The following LDLRAD4 variants were observed in gnomAD, a reference collection of about 807,000 sequenced individuals.
LDLRAD4 encodes low density lipoprotein receptor class A domain containing 4.
Under a neutral mutation model 17.0 loss-of-function variants are expected in LDLRAD4, and 5 were observed. The observed-to-expected ratio is 0.29, with a 90% CI of 0.15 to 0.62. The LOEUF (loss-of-function observed/expected upper bound fraction) is 0.62. Among genes scored for constraint, LDLRAD4 ranks in the 20% least tolerant of loss-of-function variants. The pLI, the probability that LDLRAD4 is intolerant of heterozygous loss-of-function variation, is 0.84. For synonymous variants in LDLRAD4, 168 were observed against 171.8 expected (o/e 0.98, Z 0.17); for missense variants, 340 against 424.7 (o/e 0.80, Z 1.75).
At chr18:13,245,957 T>C (rs1411391972) in intron 1 of LDLRAD4, among the ~76,000 whole-genome samples, 2 of 152,242 alleles carry the variant, frequency 1.3e-5, no homozygotes, top group South Asian at 4.1e-4. Context: ...ACTGCAGCTA[T>C]TATTACTCCT....
At chr18:13,414,738 G>A (rs890081796) in intron 2 of LDLRAD4, among the ~76,000 whole-genome samples, 2 of 152,230 alleles carry the variant, frequency 1.3e-5, no homozygotes, top group African/African-American at 4.8e-5. Flanking sequence ...GGGAGCTCGA[G>A]AAGGAGAAGC....
intron 4 of LDLRAD4, among the ~76,000 whole-genome samples, chr18:13,628,013 G>A (rs2041326529): frequency 6.6e-6 from 1 of 152,170 alleles, no homozygotes; most frequent in Non-Finnish European, 1.5e-5. Context: ...TCTGAGGTGG[G>A]CCCCAGGCTC....
intron 3 of LDLRAD4, among the ~76,000 whole-genome samples, chr18:13,571,198 C>CA (rs2094685937): frequency 1.3e-5 from 2 of 152,154 alleles, no homozygotes; most frequent in African/African-American, 4.8e-5. Flanking sequence ...AGATTCTCAT[C>CA]AAAAATTAGA....
chr18:13,284,294 G>A (rs2045478682), intron 1 of LDLRAD4, among the ~76,000 whole-genome samples: 1 of 152,220 alleles, frequency 6.6e-6, no homozygotes, highest in Middle Eastern at 3.4e-3. Context: ...TTCTGCCCAT[G>A]GCCTGAGACC....
intron 3 of LDLRAD4, among the ~76,000 whole-genome samples, chr18:13,468,034 G>C (rs76500612): frequency 3.9e-5 from 6 of 152,018 alleles, no homozygotes; most frequent in Admixed American, 6.6e-5. Flanking sequence ...CATAAAATTC[G>C]TAGGAGAAAA....
At chr18:13,457,618 T>C (rs2146496360) in intron 3 of LDLRAD4, among the ~76,000 whole-genome samples, 1 of 152,226 alleles carries the variant, frequency 6.6e-6, no homozygotes, top group East Asian at 1.9e-4. Context: ...CACCCGACCT[T>C]CTAACAGAAG....
chr18:13,271,235 G>T (rs951748950), intron 1 of LDLRAD4, among the ~76,000 whole-genome samples: 9 of 152,190 alleles, frequency 5.9e-5, no homozygotes, highest in Non-Finnish European at 1.2e-4. Context: ...TAAATAATGA[G>T]ACTCTAATGA....
At chr18:13,375,383 A>G (rs542143888) in intron 1 of LDLRAD4, among the ~76,000 whole-genome samples, 1 of 152,346 alleles carries the variant, frequency 6.6e-6, no homozygotes, top group South Asian at 2.1e-4. Flanking sequence ...ATTGAACATA[A>G]TAACATGTTT....
intron 2 of LDLRAD4, among the ~76,000 whole-genome samples, chr18:13,417,754 A>G (rs1171585100): frequency 2.6e-5 from 4 of 152,192 alleles, no homozygotes; most frequent in East Asian, 1.9e-4. Flanking sequence ...TTTTCAAACT[A>G]CATAATCATG....
chr18:13,295,300 G>T lies in LDLRAD4; in HGVS notation c.-383+17112G>T, dbSNP rs142332281. Among the ~76,000 whole-genome samples the T allele has an allele frequency of 2.8e-3, 420 of 152,304 alleles. 1 individual carries two copies. Among genetic ancestry groups the T allele is most frequent in the African/African-American group, 9.5e-3 (394 of 41,554 alleles). On this transcript the variant is annotated intron_variant, in intron 1 of 5. Coordinates refer to ENST00000359446, the Ensembl canonical transcript of LDLRAD4. ...ATCCTGGAAAGCTGAGCTGGACCTTGTGGCTGGGATGGCCTCAAAGTTGAT... is the reference window on the plus strand; with the variant it reads ...ATCCTGGAAAGCTGAGCTGGACCTTTTGGCTGGGATGGCCTCAAAGTTGAT...
intron 1 of LDLRAD4, among the ~76,000 whole-genome samples, chr18:13,366,819 G>A (rs1235101973): frequency 6.6e-6 from 1 of 152,192 alleles, no homozygotes; most frequent in African/African-American, 2.4e-5. Flanking sequence ...CGGTTCATGA[G>A]GCTGCCCTTT....
At chr18:13,446,981 G>A (rs893662001) in intron 3 of LDLRAD4, among the ~76,000 whole-genome samples, 1 of 152,212 alleles carries the variant, frequency 6.6e-6, no homozygotes, top group Admixed American at 6.5e-5. Context: ...GGGTCTTCCA[G>A]GTTGTGGTGT....
rs1157718015 is a variant in LDLRAD4 at position 13,610,265 on chromosome 18, A to ATTTTTTTTTTTTTTT, written c.182-10826_182-10812dup. On this transcript the variant is annotated intron_variant, in intron 3 of 5. Coordinates refer to ENST00000359446, the Ensembl canonical transcript of LDLRAD4. ...TTCCATGAAGTTCACCAAAGCCCTA[A>ATTTTTTTTTTTTTTT]TTTTTTTTTTTTTTTTTTTTTTTTT... 1.9e-4 allele frequency among the ~76,000 whole-genome samples: 12 copies of ATTTTTTTTTTTTTTT among 62,480 alleles called. 3 individuals carry two copies. The highest frequency in any genetic ancestry group is 3.4e-4 in the Non-Finnish European group (10 of 29,694). The allele number at this position is 62,480 out of a possible 152,430, so 41.0% of individuals were successfully genotyped here. A position where few individuals can be genotyped will look rare whatever the true frequency, so the allele number is the denominator to read the frequency against.
intron 1 of LDLRAD4, among the ~76,000 whole-genome samples, chr18:13,341,311 C>T (rs1000392119): frequency 1.3e-5 from 2 of 152,036 alleles, no homozygotes; most frequent in African/African-American, 4.8e-5. Context: ...ATCTGTAGAT[C>T]ACTTCAGGTA....
chr18:13,265,869 T>C (rs1324919950), intron 1 of LDLRAD4, among the ~76,000 whole-genome samples: 2 of 152,134 alleles, frequency 1.3e-5, no homozygotes, highest in African/African-American at 4.8e-5. Flanking sequence ...CCCTCCTCAC[T>C]ACTCCTGAGG....
intron 1 of LDLRAD4, among the ~76,000 whole-genome samples, chr18:13,246,334 G>A (rs575079271): frequency 3.9e-5 from 6 of 152,300 alleles, no homozygotes; most frequent in African/African-American, 9.6e-5. Context: ...CTGCCCTGGC[G>A]CCTGGTGATG....
At chr18:13,477,425 A>G (rs1001576972) in intron 3 of LDLRAD4, among the ~76,000 whole-genome samples, 1 of 152,168 alleles carries the variant, frequency 6.6e-6, no homozygotes, top group African/African-American at 2.4e-5. Flanking sequence ...GAATGCTTCT[A>G]GAAGAGCCCT....
chr18:13,637,871 CA>C (rs555640548), intron 4 of LDLRAD4, among the ~76,000 whole-genome samples: 1,971 of 71,676 alleles, frequency 0.027, 29 homozygotes, highest in African/African-American at 0.088. Flanking sequence ...GTCTCAACAA[CA>C]AAAAAAAAAA....
intron 2 of LDLRAD4, among the ~76,000 whole-genome samples, chr18:13,423,021 A>G (rs1399256987): frequency 6.6e-6 from 1 of 152,194 alleles, no homozygotes; most frequent in Non-Finnish European, 1.5e-5. Context: ...GCTGGGCACA[A>G]CTTAGCCTGC....
Sources: allele counts gnomAD v4.1 joint callset (sites outside exome capture counted in the v4.1 genomes callset), GRCh38; gene constraint gnomAD v4.1.1; transcripts MANE v1.5; gene names NCBI Gene and HGNC (gene_info 2026-07-23, HGNC 2026-07-21).